The following CCDC25 variants were observed in gnomAD, a reference collection of about 807,000 sequenced individuals.
CCDC25 encodes coiled-coil domain-containing protein 25.
Under a neutral mutation model 35.3 loss-of-function variants are expected in CCDC25, and 16 were observed. That is an observed-to-expected ratio of 0.45 (90% confidence interval 0.31 to 0.69). CCDC25 has a LOEUF of 0.69. Among genes scored for constraint, CCDC25 ranks in the 30% least tolerant of loss-of-function variants. The pLI is 0.06. For missense variants in CCDC25, 179 were observed against 250.7 expected (o/e 0.71, Z 1.93); for synonymous variants, 79 against 80.3 (o/e 0.98, Z 0.09).
chr8:27,740,470 A>C lies in CCDC25; in HGVS notation c.597+2T>G. The C allele has an allele frequency of 6.2e-7, 1 of 1,612,698 alleles. No homozygotes were observed. On this transcript the variant is annotated splice_donor_variant, in intron 8 of 8. Coordinates refer to ENST00000356537, the MANE Select transcript of CCDC25 (RefSeq NM_018246.3). LOFTEE classifies it high-confidence loss of function. ...ACATTCATGCAAACCACTTGAACAT[A>C]CCTGATTTGAAGACATATTTTCAAC...
At chr8:27,764,951 C>G (rs1271428608) in intron 2 of CCDC25, among the ~76,000 whole-genome samples, 2 of 152,204 alleles carry the variant, frequency 1.3e-5, no homozygotes, top group Non-Finnish European at 2.9e-5. Context: ...CATATTAACA[C>G]TTGAGTTTTA....
chr8:27,741,808 T>C lies in CCDC25; in HGVS notation c.552-1291A>G, dbSNP rs981014926. ...TTAAGACAAGAAGGTCCATTCACAATAACAGTATTTACCAGAGTATTTTAA... is the reference window on the plus strand; with the variant it reads ...TTAAGACAAGAAGGTCCATTCACAACAACAGTATTTACCAGAGTATTTTAA... On this transcript the variant is annotated intron_variant, in intron 7 of 8. Transcript: ENST00000356537. Among the ~76,000 whole-genome samples, 4 of 152,296 alleles carry C rather than the reference T, an allele frequency of 2.6e-5. No homozygotes were observed. In the South Asian group the frequency reaches 6.2e-4, roughly 24 times the overall value.
intron 1 of CCDC25, among the ~76,000 whole-genome samples, chr8:27,768,775 A>C (rs759604324): frequency 6.6e-6 from 1 of 152,210 alleles, no homozygotes; most frequent in Non-Finnish European, 1.5e-5. Flanking sequence ...AACCAACCCA[A>C]CTTCAGAGGT....
rs1485341604 is a variant in CCDC25 at position 27,735,221 on chromosome 8, T to C, written c.*995A>G. 6.6e-6 allele frequency: 1 copy of C among 152,642 alleles called. No homozygotes were observed. Among genetic ancestry groups the C allele is most frequent in the Non-Finnish European group, 1.5e-5 (1 of 68,042 alleles). The allele number at this position is 152,642 out of a possible 1,614,324, so 9.5% of individuals were successfully genotyped here. A position where few individuals can be genotyped will look rare whatever the true frequency, so the allele number is the denominator to read the frequency against. ...CAGGGAATTTTCCAGTTCAACCCCATACACCAACATGGAATAAATGGAAAC... is the reference window on the plus strand; with the variant it reads ...CAGGGAATTTTCCAGTTCAACCCCACACACCAACATGGAATAAATGGAAAC... On this transcript the variant is annotated 3_prime_UTR_variant, in exon 9 of 9. Coordinates refer to ENST00000356537, the MANE Select transcript of CCDC25 (RefSeq NM_018246.3).
intron 1 of CCDC25, among the ~76,000 whole-genome samples, chr8:27,771,221 T>C (rs774663296): frequency 6.6e-6 from 1 of 152,172 alleles, no homozygotes; most frequent in Non-Finnish European, 1.5e-5. Context: ...CAACGTGCTG[T>C]ACAAGTTTGT....
At chr8:27,758,326 T>C (rs1157606536) in intron 3 of CCDC25, among the ~76,000 whole-genome samples, 1 of 152,218 alleles carries the variant, frequency 6.6e-6, no homozygotes, top group Non-Finnish European at 1.5e-5. Flanking sequence ...TATATAAAAG[T>C]GCCCTCTTTA....
At chr8:27,741,953 A>G (rs1247526777) in intron 7 of CCDC25, among the ~76,000 whole-genome samples, 1 of 152,218 alleles carries the variant, frequency 6.6e-6, no homozygotes, top group Non-Finnish European at 1.5e-5. Flanking sequence ...TTATACTCTT[A>G]TCAGGCCACA....
At chr8:27,736,698 C>T (rs1444076077) in intron 8 of CCDC25, among the ~76,000 whole-genome samples, 2 of 152,242 alleles carry the variant, frequency 1.3e-5, no homozygotes, top group African/African-American at 4.8e-5. Context: ...TGTGACTTCA[C>T]AACATGGCTT....
Position 27,772,596 on chromosome 8 carries a change from A to G in CCDC25, c.-56T>C, listed in dbSNP as rs1013316996. ...CGGAGCAGCAGCGCTCAACTCACGA[A>G]GCTCAGGATACCAGACTCGCGGCGG... On this transcript the variant is annotated 5_prime_UTR_variant, in exon 1 of 9. Coordinates refer to ENST00000356537, the MANE Select transcript of CCDC25 (RefSeq NM_018246.3). 3.3e-6 allele frequency: 5 copies of G among 1,526,866 alleles called. No individual in the cohort carries two copies. The African/African-American group carries it at 5.5e-5, about 17-fold the overall frequency. 94.6% of individuals were successfully genotyped at this position (1,526,866 alleles called of 1,614,324 possible).
chr8:27,739,531 A>G (rs1409632675), intron 8 of CCDC25, among the ~76,000 whole-genome samples: 1 of 152,096 alleles, frequency 6.6e-6, no homozygotes, highest in East Asian at 1.9e-4. Context: ...CAATAAAAAT[A>G]ATATAAATTA....
At chr8:27,750,892 G>A (rs987856594) in intron 5 of CCDC25, among the ~76,000 whole-genome samples, 9 of 152,124 alleles carry the variant, frequency 5.9e-5, no homozygotes, top group Non-Finnish European at 1.3e-4. Flanking sequence ...GTAAACCGGG[G>A]GAAAACTTTG....
intron 4 of CCDC25, chr8:27,754,431 G>T (rs903477043): frequency 6.6e-6 from 1 of 152,212 alleles, no homozygotes; most frequent in African/African-American, 2.4e-5. Flanking sequence ...AGGACATCAC[G>T]TCACTGAAAG....
At chr8:27,756,437 G>T in intron 4 of CCDC25, 1 of 327,638 alleles carries the variant, frequency 3.1e-6, no homozygotes, top group Non-Finnish European at 5.7e-6. Context: ...CAACTGAATT[G>T]AAAGAAAAGG....
intron 2 of CCDC25, among the ~76,000 whole-genome samples, chr8:27,764,875 CT>C (rs1315637636): frequency 1.3e-5 from 2 of 152,130 alleles, no homozygotes; most frequent in African/African-American, 4.8e-5. Context: ...GACCTTAGTA[CT>C]TTTTCATGAT....
chr8:27,738,574 A>G (rs1002677961), intron 8 of CCDC25, among the ~76,000 whole-genome samples: 2 of 146,494 alleles, frequency 1.4e-5, no homozygotes, highest in Admixed American at 1.4e-4. Context: ...TGGTGTTTGT[A>G]TATGTATGTA....
chr8:27,747,511 G>A (rs1222065287), intron 7 of CCDC25, among the ~76,000 whole-genome samples: 1 of 152,170 alleles, frequency 6.6e-6, no homozygotes, highest in Non-Finnish European at 1.5e-5. Flanking sequence ...TTGTTTCAAT[G>A]GCAATAGAAA....
intron 1 of CCDC25, among the ~76,000 whole-genome samples, chr8:27,767,846 G>A (rs1804451201): frequency 6.6e-6 from 1 of 152,110 alleles, no homozygotes. Flanking sequence ...GGAAAAAGGT[G>A]TGTGCAAGAG....
chr8:27,771,109 A>G (rs1311851312), intron 1 of CCDC25, among the ~76,000 whole-genome samples: 1 of 152,222 alleles, frequency 6.6e-6, no homozygotes. Context: ...ATGACCTGGT[A>G]GCCATCATAA....
chr8:27,753,939 T>C (rs959883858), intron 4 of CCDC25, among the ~76,000 whole-genome samples: 3 of 152,222 alleles, frequency 2.0e-5, no homozygotes, highest in Non-Finnish European at 2.9e-5. Context: ...TAGCATCTTA[T>C]ATTCATCAAA....
Sources: gnomAD v4.1 joint callset for allele counts (sites outside exome capture counted in the v4.1 genomes callset) on GRCh38, gnomAD v4.1.1 for gene constraint, MANE v1.5 for transcripts, NCBI Gene and HGNC (gene_info 2026-07-23, HGNC 2026-07-21) for gene names.